The following OR10R2 variants were observed in gnomAD, a reference collection of about 807,000 sequenced individuals.
The protein encoded by OR10R2 is olfactory receptor family 10 subfamily R member 2.
Under a neutral mutation model 2.4 loss-of-function variants are expected in OR10R2, and 1 was observed. The observed-to-expected ratio is 0.41, with a 90% confidence interval of 0.15 to 1.95. The LOEUF is 1.95. Ranked by LOEUF, OR10R2 falls within the 30% of genes most tolerant of loss-of-function variation. OR10R2 has a pLI of 0.30. For missense variants in OR10R2, 419 were observed against 373.0 expected (o/e 1.12, Z -1.01); for synonymous variants, 166 against 144.8 (o/e 1.15, Z -1.05).
exon 2 of OR10R2, chr1:158,480,512 C>T (rs1371553353): frequency 6.2e-7 from 1 of 1,613,436 alleles, no homozygotes; most frequent in East Asian, 2.2e-5. Flanking sequence ...TGTACCAACA[C>T]AGATGTTAAC....
intron 1 of OR10R2, among the ~76,000 whole-genome samples, chr1:158,473,208 T>G (rs1320253380): frequency 6.6e-6 from 1 of 152,240 alleles, no homozygotes; most frequent in Non-Finnish European, 1.5e-5. Context: ...GAATATTTGT[T>G]CTTGCTAGAA....
At chr1:158,473,569 T>C (rs1305050154) in intron 1 of OR10R2, among the ~76,000 whole-genome samples, 2 of 152,190 alleles carry the variant, frequency 1.3e-5, no homozygotes, top group Non-Finnish European at 2.9e-5. Context: ...GAAAAGGCAT[T>C]GTTGTTATAA....
exon 2 of OR10R2, chr1:158,480,472 T>C (rs763325796): frequency 4.3e-6 from 7 of 1,613,562 alleles, no homozygotes; most frequent in East Asian, 2.2e-5. Context: ...TCATTACTTC[T>C]GTGACATCTC....
At chr1:158,474,104 A>C (rs1656226376) in intron 1 of OR10R2, among the ~76,000 whole-genome samples, 1 of 151,940 alleles carries the variant, frequency 6.6e-6, no homozygotes, top group East Asian at 1.9e-4. Flanking sequence ...CTGAGTAAGA[A>C]GGTACTTGGT....
In OR10R2 at chr1:158,480,758, TG is replaced by T; in HGVS notation, c.849del (p.Thr284ArgfsTer2). On this transcript the variant is annotated frameshift_variant, in exon 2 of 2. Coordinates refer to ENST00000641067, the Ensembl canonical transcript of OR10R2. LOFTEE classifies it low-confidence loss of function (END_TRUNC). ...TATGTGTCCAACAAAGACAGGCTGGTGACGGTGACATACACGATTGTCACTC... is the reference window on the plus strand; with the variant it reads ...TATGTGTCCAACAAAGACAGGCTGGTACGGTGACATACACGATTGTCACTC... 6.2e-7 allele frequency: 1 copy of T among 1,613,538 alleles called. No individual in the cohort carries two copies. Among genetic ancestry groups the T allele is most frequent in the Non-Finnish European group, 8.5e-7 (1 of 1,179,724 alleles).
chr1:158,477,483 A>T (rs1030256113), intron 1 of OR10R2, among the ~76,000 whole-genome samples: 2 of 152,204 alleles, frequency 1.3e-5, no homozygotes, highest in East Asian at 1.9e-4. Context: ...AATCTAAAAA[A>T]GTCAGTAGTG....
exon 2 of OR10R2, chr1:158,480,159 C>G (rs577896301): frequency 6.2e-7 from 1 of 1,614,020 alleles, no homozygotes; most frequent in East Asian, 2.2e-5. Flanking sequence ...CCTTCTACAC[C>G]TTTGTCATTC....
chr1:158,476,017 T>C (rs1656261377), intron 1 of OR10R2, among the ~76,000 whole-genome samples: 1 of 152,132 alleles, frequency 6.6e-6, no homozygotes, highest in Non-Finnish European at 1.5e-5. Flanking sequence ...AGGTATAAAC[T>C]TTCTTCTGAT....
chr1:158,480,524 A>G (rs6679056), exon 2 of OR10R2: 858,516 of 1,611,766 alleles, frequency 0.53, 230,659 homozygotes, highest in East Asian at 0.57. Context: ...GATGTTAACG[A>G]ATTTGTGATA....
exon 2 of OR10R2, chr1:158,480,397 T>G: frequency 6.2e-7 from 1 of 1,614,158 alleles, no homozygotes; most frequent in Non-Finnish European, 8.5e-7. Context: ...TGGTGGCTTC[T>G]TGGCCTCTCT....
exon 1 of OR10R2, chr1:158,472,260 G>GA (rs894020303): frequency 1.0e-5 from 4 of 398,676 alleles, no homozygotes; most frequent in Middle Eastern, 6.2e-4. Context: ...ATGTGAACCA[G>GA]AAAAAAAGCT....
At chr1:158,475,868 G>A (rs114043655) in intron 1 of OR10R2, among the ~76,000 whole-genome samples, 9 of 151,624 alleles carry the variant, frequency 5.9e-5, no homozygotes, top group East Asian at 5.8e-4. Flanking sequence ...GAATGTATCC[G>A]TTGAAAATTT....
chr1:158,475,182 T>C (rs1656248261), intron 1 of OR10R2, among the ~76,000 whole-genome samples: 1 of 152,154 alleles, frequency 6.6e-6, no homozygotes, highest in Non-Finnish European at 1.5e-5. Context: ...TGTCATTCAA[T>C]ACACAATAAT....
intron 1 of OR10R2, among the ~76,000 whole-genome samples, chr1:158,472,636 A>G (rs1656185823): frequency 6.6e-6 from 1 of 152,248 alleles, no homozygotes; most frequent in Non-Finnish European, 1.5e-5. Flanking sequence ...TAAAGATGTT[A>G]GCTAGTTATG....
exon 2 of OR10R2, chr1:158,480,803 T>A (rs770253691): frequency 6.2e-7 from 1 of 1,611,908 alleles, no homozygotes; most frequent in Non-Finnish European, 8.5e-7. Context: ...AACCCCATGG[T>A]TTATAGCCTC....
intron 1 of OR10R2, among the ~76,000 whole-genome samples, chr1:158,473,788 CTCTT>C (rs1466607218): frequency 1.4e-5 from 1 of 73,254 alleles, no homozygotes; most frequent in Non-Finnish European, 2.6e-5. Context: ...CCCTCCTTCC[CTCTT>C]TCCCTCTCTG....
chr1:158,474,065 A>G (rs1656224170), intron 1 of OR10R2, among the ~76,000 whole-genome samples: 1 of 150,410 alleles, frequency 6.6e-6, no homozygotes, highest in South Asian at 2.1e-4. Context: ...TTGGAATTTT[A>G]CAACGTTTGC....
intron 1 of OR10R2, among the ~76,000 whole-genome samples, chr1:158,474,835 G>C (rs1434617828): frequency 6.6e-6 from 1 of 151,772 alleles, no homozygotes; most frequent in Non-Finnish European, 1.5e-5. Context: ...AAAACTGCTG[G>C]GGTTGAAACC....
chr1:158,480,705 C>T (rs754557522), exon 2 of OR10R2: 1 of 1,613,284 alleles, frequency 6.2e-7, no homozygotes, highest in East Asian at 2.2e-5. Flanking sequence ...GCTGTGCTTC[C>T]TTCATCTACC....
Sources: gnomAD v4.1 joint callset for allele counts (sites outside exome capture counted in the v4.1 genomes callset) on GRCh38, gnomAD v4.1.1 for gene constraint, MANE v1.5 for transcripts, NCBI Gene and HGNC (gene_info 2026-07-23, HGNC 2026-07-21) for gene names.